SCAPER: variants seen among roughly 807,000 people sequenced by gnomAD.
The protein encoded by SCAPER is S phase cyclin A-associated protein in the endoplasmic reticulum.
In SCAPER, 98 loss-of-function variants were observed where a neutral mutation model predicts 182.2. The ratio of observed to expected loss-of-function variants is 0.54; its 90% CI spans 0.46 to 0.64. SCAPER has a LOEUF of 0.64. SCAPER is among the 30% of genes least tolerant of loss of function. The pLI is 0.00. For missense variants in SCAPER, 1,432 were observed against 1,690.0 expected (o/e 0.85, Z 2.68); for synonymous variants, 605 against 564.6 (o/e 1.07, Z -1.01).
At chr15:76,543,103 TAC>T (rs2044924832) in intron 23 of SCAPER, among the ~76,000 whole-genome samples, 2 of 152,176 alleles carry the variant, frequency 1.3e-5, no homozygotes, top group South Asian at 4.1e-4. Context: ...ACATTTCTAA[TAC>T]AGTTTGTAGA....
intron 28 of SCAPER, among the ~76,000 whole-genome samples, chr15:76,379,088 A>C (rs1414635114): frequency 6.6e-6 from 1 of 152,264 alleles, no homozygotes; most frequent in Non-Finnish European, 1.5e-5. Context: ...TTAAATGCAT[A>C]AAAGTAATTA....
At chr15:76,826,673 T>A (rs2068049578) in intron 5 of SCAPER, among the ~76,000 whole-genome samples, 1 of 152,094 alleles carries the variant, frequency 6.6e-6, no homozygotes, top group South Asian at 2.1e-4. Flanking sequence ...ACAAAGTCTT[T>A]AAATAAATTA....
chr15:76,363,909 C>A lies in SCAPER; in HGVS notation c.3856-9769G>T, dbSNP rs570440803. Among the ~76,000 whole-genome samples, 41 of 152,290 alleles carry A rather than the reference C, an allele frequency of 2.7e-4. No homozygotes were observed. The South Asian group carries it at 8.1e-3, about 30-fold the overall frequency. The stretch of plus-strand genomic sequence containing the variant: ...AGCATCTCTGTCCACATTGCTCTTA[C>A]CAAGTTTGTCACACCTGAAGACCAG... On this transcript the variant is annotated intron_variant, in intron 29 of 31. Coordinates refer to ENST00000563290, the MANE Select transcript of SCAPER (RefSeq NM_020843.4).
At chr15:76,870,692 T>G (rs2072653373) in intron 2 of SCAPER, among the ~76,000 whole-genome samples, 1 of 150,472 alleles carries the variant, frequency 6.6e-6, no homozygotes, top group Non-Finnish European at 1.5e-5. Flanking sequence ...AATGAAAACA[T>G]AAAAAAAATA....
At chr15:76,636,246 C>T (rs1270214988) in intron 21 of SCAPER, among the ~76,000 whole-genome samples, 3 of 152,126 alleles carry the variant, frequency 2.0e-5, no homozygotes, top group South Asian at 2.1e-4. Context: ...GCCAAGTGGC[C>T]TCCATCATCT....
chr15:76,440,058 T>A (rs1391245614), intron 25 of SCAPER, among the ~76,000 whole-genome samples: 1 of 152,236 alleles, frequency 6.6e-6, no homozygotes, highest in Non-Finnish European at 1.5e-5. Context: ...ATATTTGACC[T>A]TTTAAAAATT....
chr15:76,874,838 C>T (rs1429794243), intron 2 of SCAPER, among the ~76,000 whole-genome samples: 1 of 152,058 alleles, frequency 6.6e-6, no homozygotes, highest in Non-Finnish European at 1.5e-5. Context: ...GTGGTACCAC[C>T]TCTAGTCCCA....
At chr15:76,470,023 GT>G (rs1352506627) in intron 25 of SCAPER, among the ~76,000 whole-genome samples, 2 of 152,016 alleles carry the variant, frequency 1.3e-5, no homozygotes, top group African/African-American at 2.4e-5. Flanking sequence ...CTGTGCAACA[GT>G]TCCAGATCTG....
At chr15:76,582,282 T>C (rs1006004069) in intron 22 of SCAPER, among the ~76,000 whole-genome samples, 1 of 152,170 alleles carries the variant, frequency 6.6e-6, no homozygotes, top group Admixed American at 6.5e-5. Context: ...AATCAACATA[T>C]GAAAATCATT....
intron 21 of SCAPER, among the ~76,000 whole-genome samples, chr15:76,652,867 C>T (rs1397088933): frequency 1.3e-5 from 2 of 151,948 alleles, no homozygotes; most frequent in Non-Finnish European, 2.9e-5. Flanking sequence ...AACTAGAAGT[C>T]CTAGCCAGGG....
At chr15:76,351,317 A>G (rs963504869) in intron 30 of SCAPER, 29 bp from the exon 31 acceptor site, 2 of 1,588,116 alleles carry the variant, frequency 1.3e-6, no homozygotes, top group Admixed American at 1.8e-5. Flanking sequence ...GTGTTTTTCT[A>G]TCAATGCTAT....
chr15:76,461,742 T>C (rs1248703948), intron 25 of SCAPER, among the ~76,000 whole-genome samples: 1 of 152,186 alleles, frequency 6.6e-6, no homozygotes, highest in African/African-American at 2.4e-5. Flanking sequence ...TTAATTGCCT[T>C]AACTCTTGAA....
intron 4 of SCAPER, among the ~76,000 whole-genome samples, chr15:76,857,325 G>A (rs935670466): frequency 1.3e-5 from 2 of 151,766 alleles, no homozygotes; most frequent in Non-Finnish European, 2.9e-5. Context: ...TCCAGGTTCT[G>A]GGGTGGCTGA....
chr15:76,488,111 T>C lies in SCAPER; in HGVS notation c.2954+16748A>G, dbSNP rs116685776. ...CTCAAATTCCAGACTAAGGGATTTTTTCTTTAATATGTTTTATATAACAGC... is the reference window on the plus strand; with the variant it reads ...CTCAAATTCCAGACTAAGGGATTTTCTCTTTAATATGTTTTATATAACAGC... On this transcript the variant is annotated intron_variant, in intron 24 of 31. Transcript: ENST00000563290. 1.0e-3 allele frequency among the ~76,000 whole-genome samples: 156 copies of C among 152,300 alleles called. 3 individuals are homozygous for C. The highest frequency in any genetic ancestry group is 3.7e-3 in the African/African-American group (153 of 41,560).
At chr15:76,858,088 T>G (rs566361659) in intron 3 of SCAPER, among the ~76,000 whole-genome samples, 2 of 152,116 alleles carry the variant, frequency 1.3e-5, no homozygotes, top group Non-Finnish European at 1.5e-5. Flanking sequence ...AACAACAAAT[T>G]TCCAAAGTCC....
chr15:76,651,818 A>T (rs2055073865), intron 21 of SCAPER, among the ~76,000 whole-genome samples: 1 of 151,706 alleles, frequency 6.6e-6, no homozygotes, highest in Non-Finnish European at 1.5e-5. Flanking sequence ...ACAATGGAAA[A>T]AAAAAAAAAA....
intron 23 of SCAPER, among the ~76,000 whole-genome samples, chr15:76,550,316 A>G (rs2045650713): frequency 6.6e-6 from 1 of 152,072 alleles, no homozygotes; most frequent in East Asian, 1.9e-4. Context: ...TAAGCCCAGC[A>G]TGCATTAGCT....
chr15:76,713,571 A>C (rs568080608), intron 17 of SCAPER, among the ~76,000 whole-genome samples: 23 of 152,064 alleles, frequency 1.5e-4, no homozygotes, highest in Admixed American at 1.4e-3. Flanking sequence ...TAGGTGGGAA[A>C]TGAACAATGA....
chr15:76,416,746 A>G (rs949381971), intron 26 of SCAPER, among the ~76,000 whole-genome samples: 2 of 152,250 alleles, frequency 1.3e-5, no homozygotes, highest in African/African-American at 2.4e-5. Flanking sequence ...AGAGCATACA[A>G]AGATGTTCTT....
Sources: allele counts gnomAD v4.1 joint callset (sites outside exome capture counted in the v4.1 genomes callset), GRCh38; gene constraint gnomAD v4.1.1; transcripts MANE v1.5; gene names NCBI Gene and HGNC (gene_info 2026-07-23, HGNC 2026-07-21).